Variants in CADM2 observed in about 807,000 individuals in gnomAD.
The protein encoded by CADM2 is cell adhesion molecule 2, also known as immunoglobulin superfamily member 4D.
Under a neutral mutation model 49.8 loss-of-function variants are expected in CADM2, and 12 were observed. That is an observed-to-expected ratio of 0.24 (90% CI 0.15 to 0.39). CADM2 has a LOEUF of 0.39. CADM2 is among the 10% of genes least tolerant of loss of function. The probability of loss-of-function intolerance (pLI) is 1.00; values close to 1 mark genes in which losing one functional copy is unlikely to be tolerated. For synonymous variants in CADM2, 214 were observed against 175.4 expected, an observed-to-expected ratio of 1.22 and a Z score of -1.74; for missense variants, 378 against 492.3, an observed-to-expected ratio of 0.77 and a Z score of 2.20.
chr3:85,292,568 A>G (rs2043831536), intron 1 of CADM2, among the ~76,000 whole-genome samples: 2 of 152,210 alleles, frequency 1.3e-5, no homozygotes, highest in Admixed American at 1.3e-4. Context: ...ATGTAAAAGA[A>G]CTGAAATTAT....
At chr3:85,859,732 C>T (rs2075452115) in intron 3 of CADM2, among the ~76,000 whole-genome samples, 1 of 152,202 alleles carries the variant, frequency 6.6e-6, no homozygotes. Context: ...CAGTACCTAC[C>T]TGTATTAATT....
intron 1 of CADM2, among the ~76,000 whole-genome samples, chr3:85,360,429 T>C (rs2032275191): frequency 6.6e-6 from 1 of 152,190 alleles, no homozygotes; most frequent in Non-Finnish European, 1.5e-5. Context: ...ACAAATCAAA[T>C]TTGGCTCACC....
At position 85,898,955 on chromosome 3, in the gene CADM2, A is replaced by ATACATATT. The variant is rs1475991339; in HGVS notation, c.529+12629_529+12630insACATATTT. On this transcript the variant is annotated intron_variant, in intron 5 of 9. Transcript: ENST00000383699. ...TTATTGTGTATATATATATATATATATTTTTTTTTTTTTTTTTTTTTTTTT... is the reference window on the plus strand; with the variant it reads ...TTATTGTGTATATATATATATATATATACATATTTTTTTTTTTTTTTTTTTTTTTTTTT... Among the ~76,000 whole-genome samples, 36 of 33,916 alleles carry ATACATATT rather than the reference A, an allele frequency of 1.1e-3. 1 individual carries two copies. The highest frequency in any genetic ancestry group is 5.2e-3 in the African/African-American group (36 of 6,890). 22.3% of individuals were successfully genotyped at this position (33,916 alleles called of 152,430 possible). A position where few individuals can be genotyped will look rare whatever the true frequency, so the allele number is the denominator to read the frequency against.
At chr3:86,045,068 GA>G (rs1736482252) in intron 8 of CADM2, among the ~76,000 whole-genome samples, 3 of 150,304 alleles carry the variant, frequency 2.0e-5, no homozygotes, top group African/African-American at 7.4e-5. Context: ...GGGGTGGTGG[GA>G]GGGGGGAGGG....
intron 3 of CADM2, among the ~76,000 whole-genome samples, chr3:85,815,280 G>A (rs1240770212): frequency 2.0e-5 from 3 of 152,090 alleles, no homozygotes; most frequent in East Asian, 1.9e-4. Context: ...AAACCTGGCA[G>A]AGACACAGCA....
In CADM2 at chr3:85,282,661, T is replaced by C. The variant is rs111265776; in HGVS notation, c.61+322993T>C. Among the ~76,000 whole-genome samples the C allele has an allele frequency of 7.0e-3, 1,063 of 152,200 alleles. 10 individuals carry two copies. Among genetic ancestry groups the C allele is most frequent in the African/African-American group, 0.023 (976 of 41,562 alleles). ...GAATATTTTATTTAGTCCTTTCACA[T>C]ATTGCTGTTGCAAAGACATATATTT... On this transcript the variant is annotated intron_variant, in intron 1 of 9. Transcript: ENST00000383699.
At position 85,596,028 on chromosome 3, in the gene CADM2, A is replaced by G. The variant is rs367588195; in HGVS notation, c.62-130494A>G. ...TCTTCACCCTAAAGTAAGTTTTGCT[A>G]CTATTTAAATTAATTACTATATGAT... On this transcript the variant is annotated intron_variant, in intron 1 of 9. Transcript: ENST00000383699. Among the ~76,000 whole-genome samples the G allele has an allele frequency of 9.2e-5, 14 of 152,052 alleles. 1 individual carries two copies. In the East Asian group the frequency reaches 2.1e-3, roughly 23 times the overall value.
At chr3:85,118,214 G>A (rs2038713801) in intron 1 of CADM2, among the ~76,000 whole-genome samples, 1 of 150,878 alleles carries the variant, frequency 6.6e-6, no homozygotes, top group South Asian at 2.1e-4. Context: ...AGTTATATGG[G>A]ATATATATGA....
intron 2 of CADM2, among the ~76,000 whole-genome samples, chr3:85,741,319 T>G (rs17023242): frequency 0.041 from 5,691 of 139,958 alleles, 290 homozygotes; most frequent in African/African-American, 0.12. Context: ...CTTTGATGAT[T>G]TATTTCCCCT....
At chr3:85,762,576 G>A (rs966816852) in intron 2 of CADM2, among the ~76,000 whole-genome samples, 20 of 144,310 alleles carry the variant, frequency 1.4e-4, no homozygotes, top group Admixed American at 7.1e-4. Flanking sequence ...AATTTACAGC[G>A]TGAGCCACTG....
chr3:85,365,142 A>T (rs1452766433), intron 1 of CADM2, among the ~76,000 whole-genome samples: 1 of 146,622 alleles, frequency 6.8e-6, no homozygotes, highest in East Asian at 2.0e-4. Flanking sequence ...TAAAAAAATT[A>T]TACTACCTAG....
At chr3:85,409,723 T>A (rs999745712) in intron 1 of CADM2, among the ~76,000 whole-genome samples, 6 of 152,120 alleles carry the variant, frequency 3.9e-5, no homozygotes, top group Non-Finnish European at 5.9e-5. Flanking sequence ...ATAAAGTCAC[T>A]TTTAATGAAG....
At chr3:85,210,099 A>G (rs930799411) in intron 1 of CADM2, among the ~76,000 whole-genome samples, 4 of 152,208 alleles carry the variant, frequency 2.6e-5, no homozygotes, top group Non-Finnish European at 5.9e-5. Context: ...AAAGCTGTAC[A>G]ATACTAGCTA....
intron 1 of CADM2, among the ~76,000 whole-genome samples, chr3:85,508,013 G>T (rs2040435282): frequency 6.6e-6 from 1 of 152,098 alleles, no homozygotes; most frequent in Admixed American, 6.5e-5. Flanking sequence ...CAATAGTAAT[G>T]ATTTCTTACA....
chr3:84,992,106 C>T (rs2032924685), intron 1 of CADM2, among the ~76,000 whole-genome samples: 1 of 152,024 alleles, frequency 6.6e-6, no homozygotes, highest in South Asian at 2.1e-4. Context: ...AGACTCATAG[C>T]AAGTACAACA....
At chr3:85,700,857 TCTG>T (rs2066731282) in intron 1 of CADM2, among the ~76,000 whole-genome samples, 1 of 152,194 alleles carries the variant, frequency 6.6e-6, no homozygotes, top group African/African-American at 2.4e-5. Flanking sequence ...CCTCTCTTCT[TCTG>T]AGCTCTCCAA....
intron 1 of CADM2, among the ~76,000 whole-genome samples, chr3:85,158,220 G>A (rs1365395477): frequency 6.6e-6 from 1 of 152,162 alleles, no homozygotes; most frequent in Admixed American, 6.5e-5. Flanking sequence ...TGGAGAAATA[G>A]GAACACTTTT....
At chr3:85,826,815 T>A (rs1485708395) in intron 3 of CADM2, among the ~76,000 whole-genome samples, 1 of 152,022 alleles carries the variant, frequency 6.6e-6, no homozygotes, top group Non-Finnish European at 1.5e-5. Context: ...TTATTTTTGT[T>A]AAACGGAGAG....
At chr3:86,001,837 A>G (rs1348568069) in intron 8 of CADM2, among the ~76,000 whole-genome samples, 1 of 152,110 alleles carries the variant, frequency 6.6e-6, no homozygotes, top group Non-Finnish European at 1.5e-5. Flanking sequence ...AAATATACAA[A>G]TCTGGAGCTA....
Sources: gnomAD v4.1 joint callset for allele counts (sites outside exome capture counted in the v4.1 genomes callset) on GRCh38, gnomAD v4.1.1 for gene constraint, MANE v1.5 for transcripts, NCBI Gene and HGNC (gene_info 2026-07-23, HGNC 2026-07-21) for gene names.